The following ARFIP1 variants were observed in gnomAD, a reference collection of about 807,000 sequenced individuals.
ARFIP1 encodes the protein ARF interacting protein 1.
A neutral mutation model predicts 42.5 loss-of-function variants in ARFIP1; 24 were observed. That is an observed-to-expected ratio of 0.57 (90% CI 0.41 to 0.80). The LOEUF is 0.80. Ranked by LOEUF, ARFIP1 falls within the 30% of genes least tolerant of loss-of-function variation. The probability of loss-of-function intolerance (pLI) is 0.00; values close to 1 mark genes in which losing one functional copy is unlikely to be tolerated. For synonymous variants in ARFIP1, 141 were observed against 153.7 expected (o/e 0.92, Z 0.61); for missense variants, 354 against 434.0 (o/e 0.82, Z 1.64).
At chr4:152,803,870 A>C (rs1291307917) in intron 1 of ARFIP1, among the ~76,000 whole-genome samples, 1 of 150,682 alleles carries the variant, frequency 6.6e-6, no homozygotes, top group Non-Finnish European at 1.5e-5. Context: ...TTAACTGCTC[A>C]TGATAATATG....
At chr4:152,797,677 CCTAA>C (rs1207267960) in intron 1 of ARFIP1, among the ~76,000 whole-genome samples, 39 of 152,128 alleles carry the variant, frequency 2.6e-4, no homozygotes, top group Middle Eastern at 3.4e-3. Context: ...TTAGTTTATT[CCTAA>C]CTATTTAGTC....
chr4:152,873,928 C>T lies in ARFIP1; in HGVS notation c.411+1364C>T, dbSNP rs117925773. On this transcript the variant is annotated intron_variant, in intron 5 of 8. Transcript: ENST00000353617. Reference sequence around the variant, plus strand: ...ATCAAGTGATTCATACCAAATTTCCCAGAAACTTCCTAAACAATCTGTGCT... The same window carrying T: ...ATCAAGTGATTCATACCAAATTTCCTAGAAACTTCCTAAACAATCTGTGCT... Among the ~76,000 whole-genome samples the T allele has an allele frequency of 6.0e-4, 92 of 152,266 alleles. No homozygotes were observed. The East Asian group carries it at 0.017, about 29-fold the overall frequency.
intron 1 of ARFIP1, among the ~76,000 whole-genome samples, chr4:152,823,249 C>A: frequency 6.6e-6 from 1 of 152,050 alleles, no homozygotes; most frequent in East Asian, 1.9e-4. Flanking sequence ...AAACATCATT[C>A]GAGACTACTG....
intron 1 of ARFIP1, among the ~76,000 whole-genome samples, chr4:152,820,695 A>G (rs900518057): frequency 3.3e-5 from 5 of 152,196 alleles, no homozygotes; most frequent in African/African-American, 1.2e-4. Flanking sequence ...CAAGGGGGAA[A>G]TCTGCCCCCA....
intron 1 of ARFIP1, among the ~76,000 whole-genome samples, chr4:152,801,523 G>A (rs560240920): frequency 2.0e-4 from 30 of 152,216 alleles, no homozygotes; most frequent in African/African-American, 6.7e-4. Flanking sequence ...TAATTATCCG[G>A]ATTTCACCAT....
chr4:152,862,280 T>C (rs565255118), intron 2 of ARFIP1, among the ~76,000 whole-genome samples: 4 of 152,334 alleles, frequency 2.6e-5, no homozygotes, highest in African/African-American at 9.6e-5. Context: ...TGTTGGTCAC[T>C]GATGCAGCTT....
At chr4:152,900,065 T>C (rs1737688846) in intron 8 of ARFIP1, among the ~76,000 whole-genome samples, 1 of 151,716 alleles carries the variant, frequency 6.6e-6, no homozygotes, top group African/African-American at 2.4e-5. Context: ...AAAGATAACC[T>C]TGGAAAACAG....
At chr4:152,786,082 G>T (rs1446654763) in intron 1 of ARFIP1, among the ~76,000 whole-genome samples, 1 of 152,202 alleles carries the variant, frequency 6.6e-6, no homozygotes, top group East Asian at 1.9e-4. Flanking sequence ...TTATTGCCAT[G>T]TTCTCTCTCA....
chr4:152,796,944 G>A (rs758726191), intron 1 of ARFIP1: 9 of 274,632 alleles, frequency 3.3e-5, no homozygotes, highest in African/African-American at 1.1e-4. Flanking sequence ...TGTATGTTGC[G>A]AATATTTCAT....
chr4:152,804,507 A>AT (rs932474852), intron 1 of ARFIP1, among the ~76,000 whole-genome samples: 1 of 128,958 alleles, frequency 7.8e-6, no homozygotes, highest in Non-Finnish European at 1.6e-5. Context: ...TATAATATAT[A>AT]TATATATATA....
At chr4:152,905,798 C>T (rs62320563) in intron 8 of ARFIP1, among the ~76,000 whole-genome samples, 6,499 of 151,902 alleles carry the variant, frequency 0.043, 176 homozygotes, top group South Asian at 0.11. Context: ...GGTGATCCAC[C>T]CACCTCAGCC....
intron 2 of ARFIP1, among the ~76,000 whole-genome samples, chr4:152,857,492 G>T (rs1733538486): frequency 6.6e-6 from 1 of 152,150 alleles, no homozygotes; most frequent in African/African-American, 2.4e-5. Context: ...CTGTGTCCCA[G>T]TTTTCTCATC....
intron 1 of ARFIP1, among the ~76,000 whole-genome samples, chr4:152,822,014 C>G (rs538358649): frequency 5.3e-5 from 8 of 152,068 alleles, no homozygotes; most frequent in Non-Finnish European, 8.8e-5. Context: ...ATAGAAATTT[C>G]TGAAGGCATA....
chr4:152,889,909 TAATA>T (rs1442195633), intron 8 of ARFIP1, among the ~76,000 whole-genome samples: 1 of 137,484 alleles, frequency 7.3e-6, no homozygotes, highest in Non-Finnish European at 1.5e-5. Flanking sequence ...ATATATATAC[TAATA>T]TATAGTGTAT....
chr4:152,818,975 C>A (rs1282480626), intron 1 of ARFIP1, among the ~76,000 whole-genome samples: 1 of 152,158 alleles, frequency 6.6e-6, no homozygotes, highest in Non-Finnish European at 1.5e-5. Context: ...GTGCTCGTAC[C>A]TGGGGAGCCA....
chr4:152,883,643 G>A (rs1736028333), intron 7 of ARFIP1, among the ~76,000 whole-genome samples: 1 of 151,148 alleles, frequency 6.6e-6, no homozygotes, highest in Non-Finnish European at 1.5e-5. Flanking sequence ...TATATATACA[G>A]TTTCCCTGTC....
intron 1 of ARFIP1, among the ~76,000 whole-genome samples, chr4:152,808,093 G>T (rs1209353076): frequency 6.6e-6 from 1 of 151,888 alleles, no homozygotes; most frequent in African/African-American, 2.4e-5. Flanking sequence ...TGATTCTCCT[G>T]CCTCAGCCTC....
intron 1 of ARFIP1, among the ~76,000 whole-genome samples, chr4:152,794,748 G>A (rs1731334047): frequency 6.6e-6 from 1 of 152,102 alleles, no homozygotes; most frequent in Non-Finnish European, 1.5e-5. Flanking sequence ...CGTCTATTGT[G>A]AAGAAGAGTT....
At chr4:152,784,261 T>C (rs1277992672) in intron 1 of ARFIP1, among the ~76,000 whole-genome samples, 2 of 152,248 alleles carry the variant, frequency 1.3e-5, no homozygotes, top group East Asian at 3.8e-4. Context: ...AAAATAATTT[T>C]GTTTTCCTTG....
Sources: gnomAD v4.1 joint callset for allele counts (sites outside exome capture counted in the v4.1 genomes callset) on GRCh38, gnomAD v4.1.1 for gene constraint, MANE v1.5 for transcripts, NCBI Gene and HGNC (gene_info 2026-07-23, HGNC 2026-07-21) for gene names.